The following TTC7B variants were observed in gnomAD, a reference collection of about 807,000 sequenced individuals.
TTC7B encodes the protein tetratricopeptide repeat domain 7B.
A neutral mutation model predicts 106.8 loss-of-function variants in TTC7B; 28 were observed. The observed-to-expected ratio is 0.26, with a 90% CI of 0.19 to 0.36. The LOEUF (loss-of-function observed/expected upper bound fraction) is 0.36. Among genes scored for constraint, TTC7B ranks in the 10% least tolerant of loss-of-function variants. The pLI is 1.00. For synonymous variants in TTC7B, 405 were observed against 430.6 expected (o/e 0.94, Z 0.74); for missense variants, 862 against 1,076.4 (o/e 0.80, Z 2.79).
chr14:90,604,118 T>C (rs541960005), intron 17 of TTC7B, among the ~76,000 whole-genome samples: 291 of 152,226 alleles, frequency 1.9e-3, no homozygotes, highest in Non-Finnish European at 3.3e-3. Flanking sequence ...GCTCACAAGA[T>C]GCAACATGAA....
At chr14:90,611,203 C>T (rs1892857884) in intron 16 of TTC7B, among the ~76,000 whole-genome samples, 1 of 152,178 alleles carries the variant, frequency 6.6e-6, no homozygotes, top group Admixed American at 6.5e-5. Context: ...CAAGTGAGTC[C>T]ATGAACACGC....
chr14:90,677,525 T>C (rs1886887366), intron 8 of TTC7B, among the ~76,000 whole-genome samples: 1 of 152,250 alleles, frequency 6.6e-6, no homozygotes, highest in Non-Finnish European at 1.5e-5. Flanking sequence ...CTCTTTTCCC[T>C]AATAGGAAGT....
intron 15 of TTC7B, among the ~76,000 whole-genome samples, chr14:90,638,077 G>A (rs1393524359): frequency 6.6e-6 from 1 of 151,634 alleles, no homozygotes; most frequent in Non-Finnish European, 1.5e-5. Flanking sequence ...TAGAGATGGG[G>A]TCTCACAATG....
At chr14:90,694,678 T>TTTTTATTTTATTATAATATATA (rs1887616449) in intron 6 of TTC7B, among the ~76,000 whole-genome samples, 2 of 45,944 alleles carry the variant, frequency 4.4e-5, no homozygotes, top group Non-Finnish European at 8.5e-5. Context: ...TATATGTATA[T>TTTTTATTTTATTATAATATATA]TTTTATTTTA....
At chr14:90,613,861 G>A (rs982971570) in intron 16 of TTC7B, among the ~76,000 whole-genome samples, 3 of 152,272 alleles carry the variant, frequency 2.0e-5, no homozygotes, top group Admixed American at 6.5e-5. Flanking sequence ...ATGCGTAGAT[G>A]CGCACATGCA....
chr14:90,651,743 T>C (rs890358859), intron 13 of TTC7B, among the ~76,000 whole-genome samples: 8 of 152,138 alleles, frequency 5.3e-5, no homozygotes, highest in African/African-American at 1.9e-4. Flanking sequence ...CAACCTGAAG[T>C]AGCTACCGGC....
intron 19 of TTC7B, among the ~76,000 whole-genome samples, chr14:90,553,280 A>AAAT (rs1357269550): frequency 6.6e-6 from 1 of 152,234 alleles, no homozygotes; most frequent in Non-Finnish European, 1.5e-5. Flanking sequence ...TTATCTGGAG[A>AAAT]AATGCACCTT....
chr14:90,609,179 T>G (rs948285020), intron 17 of TTC7B, among the ~76,000 whole-genome samples: 1 of 152,190 alleles, frequency 6.6e-6, no homozygotes, highest in African/African-American at 2.4e-5. Context: ...GTGTGCAGTC[T>G]AAGCCCACCA....
intron 7 of TTC7B, among the ~76,000 whole-genome samples, chr14:90,681,180 T>A (rs1887033947): frequency 6.6e-6 from 1 of 152,190 alleles, no homozygotes; most frequent in South Asian, 2.1e-4. Context: ...TAATAAAAAG[T>A]CAGCAGAACC....
At chr14:90,692,632 C>A (rs752000499) in intron 6 of TTC7B, among the ~76,000 whole-genome samples, 14 of 152,124 alleles carry the variant, frequency 9.2e-5, no homozygotes, top group Admixed American at 9.2e-4. Flanking sequence ...AAAACAATTA[C>A]GAAAACACTT....
chr14:90,688,621 CAAAAAAAAAAAAAAAAAAAAA>C (rs57020065), intron 7 of TTC7B, among the ~76,000 whole-genome samples: 3 of 54,490 alleles, frequency 5.5e-5, no homozygotes, highest in African/African-American at 8.5e-5. Context: ...GGCTCTGTCT[CAAAAAAAAAAAAAAAAAAAAA>C]AAAAAAAAAA....
intron 6 of TTC7B, among the ~76,000 whole-genome samples, chr14:90,690,546 T>C (rs987888514): frequency 1.2e-4 from 18 of 152,186 alleles, no homozygotes; most frequent in African/African-American, 4.3e-4. Flanking sequence ...TTGACTGATG[T>C]ATGTCAGTTC....
At chr14:90,691,484 C>T (rs1337685613) in intron 6 of TTC7B, among the ~76,000 whole-genome samples, 5 of 152,168 alleles carry the variant, frequency 3.3e-5, no homozygotes, top group Non-Finnish European at 7.3e-5. Context: ...ATGAAATTAC[C>T]AGCAAGATCA....
chr14:90,628,126 A>G (rs1177419775), intron 15 of TTC7B, among the ~76,000 whole-genome samples: 1 of 152,242 alleles, frequency 6.6e-6, no homozygotes, highest in African/African-American at 2.4e-5. Flanking sequence ...ACCCGCCCCC[A>G]GATTTGGAAA....
At chr14:90,627,840 C>T (rs912138222) in intron 15 of TTC7B, among the ~76,000 whole-genome samples, 3 of 152,158 alleles carry the variant, frequency 2.0e-5, no homozygotes, top group Non-Finnish European at 4.4e-5. Context: ...TTTGCTCCCA[C>T]GTCAGCTATT....
chr14:90,621,138 C>T (rs1289489903), intron 15 of TTC7B, among the ~76,000 whole-genome samples: 2 of 151,378 alleles, frequency 1.3e-5, no homozygotes, highest in African/African-American at 2.4e-5. Context: ...CACACGGGTT[C>T]GGCTGGGACG....
At chr14:90,641,978 G>A (rs1249739955) in intron 15 of TTC7B, among the ~76,000 whole-genome samples, 1 of 151,470 alleles carries the variant, frequency 6.6e-6, no homozygotes, top group Non-Finnish European at 1.5e-5. Context: ...GGTGAGACAC[G>A]GAATGAAGCT....
intron 1 of TTC7B, 127 bp downstream of exon 1, chr14:90,816,048 G>T: frequency 1.0e-6 from 1 of 962,970 alleles, no homozygotes; most frequent in Non-Finnish European, 1.2e-6. Context: ...ACATCCCCTG[G>T]GCCGCAGCTC....
At chr14:90,776,971 C>T (rs1891050267) in intron 3 of TTC7B, among the ~76,000 whole-genome samples, 2 of 152,298 alleles carry the variant, frequency 1.3e-5, no homozygotes, top group South Asian at 4.1e-4. Context: ...CATGGTGGCT[C>T]ATGCCTTTAA....
Sources: gnomAD v4.1 joint callset for allele counts (sites outside exome capture counted in the v4.1 genomes callset) on GRCh38, gnomAD v4.1.1 for gene constraint, MANE v1.5 for transcripts, NCBI Gene and HGNC (gene_info 2026-07-23, HGNC 2026-07-21) for gene names.